The following ALKBH7 variants were observed in gnomAD, a reference collection of about 807,000 sequenced individuals.
ALKBH7 encodes RNA demethylase ALKBH7, mitochondrial.
Under a neutral mutation model 19.3 loss-of-function variants are expected in ALKBH7, and 21 were observed. That is an observed-to-expected ratio of 1.09 (90% CI 0.77 to 1.56). The LOEUF is 1.56. Among genes scored for constraint, ALKBH7 ranks in the 40% most tolerant of loss-of-function variants. ALKBH7 has a pLI of 0.00. For missense variants in ALKBH7, 354 were observed against 311.4 expected (o/e 1.14, Z -1.03); for synonymous variants, 147 against 139.5 (o/e 1.05, Z -0.38).
rs1178376193 is a variant in ALKBH7, at chr19:6,374,067, G to A, written c.205-136G>A. ...ACCTAGGTAGGGCCATAGTTGAGGG[G>A]CTAGGGGAGTTTGAGTTGAGGGCAG... On this transcript the variant is annotated intron_variant, in intron 1 of 3. Coordinates refer to ENST00000245812, the MANE Select transcript of ALKBH7 (RefSeq NM_032306.4). The A allele has an allele frequency of 4.0e-6, 6 of 1,518,480 alleles. No individual in the cohort carries two copies. The Admixed American group carries it at 7.1e-5, about 18-fold the overall frequency. 94.1% of individuals were successfully genotyped at this position (1,518,480 alleles called of 1,614,324 possible). A position where few individuals can be genotyped will look rare whatever the true frequency, so the allele number is the denominator to read the frequency against.
Position 6,374,188 on chromosome 19 carries a change from G to C in ALKBH7, c.205-15G>C, listed in dbSNP as rs1164561747. The stretch of plus-strand genomic sequence containing the variant: ...CCTCTGGGAGCTCCCAGGCTTAACC[G>C]AGCTCTCTGTGCAGGCCATCCACGG... On this transcript the variant is annotated splice_polypyrimidine_tract_variant and intron_variant, in intron 1 of 3. Transcript: ENST00000245812. 1 of 1,607,490 alleles carries C rather than the reference G, an allele frequency of 6.2e-7. No individual in the cohort carries two copies. The highest frequency in any genetic ancestry group is 8.5e-7 in the Non-Finnish European group (1 of 1,178,328).
In ALKBH7 at chr19:6,374,225, C is replaced by T. The variant is rs1555720793; in HGVS notation, c.227C>T (p.Thr76Ile). 7 of 1,613,152 alleles carry T rather than the reference C, an allele frequency of 4.3e-6. No individual in the cohort carries two copies. Among genetic ancestry groups the T allele is most frequent in the Non-Finnish European group, 5.9e-6 (7 of 1,179,744 alleles). Residue 76 changes from threonine to isoleucine, a missense_variant, in exon 2 of 4, where the codon ACA becomes ATA. By Grantham distance (89) the Thr-to-Ile change is moderately conservative. Transcript: ENST00000245812. ...WDAAIHGFRE[T>I]EKSRWSEASR... ...CAGGCCATCCACGGCTTCCGAGAGA[C>T]AGAGAAGTCGCGCTGGTCAGAAGCC...
Position 6,375,033 on chromosome 19 carries a change from T to A in ALKBH7, c.*60T>A, listed in dbSNP as rs891583022. 13 of 1,525,912 alleles carry A rather than the reference T, an allele frequency of 8.5e-6. No individual in the cohort carries two copies. Among genetic ancestry groups the A allele is most frequent in the South Asian group, 2.5e-5 (2 of 79,954 alleles). The allele number at this position is 1,525,912 out of a possible 1,614,324, so 94.5% of individuals were successfully genotyped here. On this transcript the variant is annotated 3_prime_UTR_variant, in exon 4 of 4. Transcript: ENST00000245812. ...AAAGTTGGGGAATGGACAGCCTAACTGGGACATTGCAGTGGCTGCTTGCTG... is the reference window on the plus strand; with the variant it reads ...AAAGTTGGGGAATGGACAGCCTAACAGGGACATTGCAGTGGCTGCTTGCTG...
Position 6,374,484 on chromosome 19 carries a change from C to G in ALKBH7, c.398C>G (p.Ala133Gly), listed in dbSNP as rs2091910552. The G allele has an allele frequency of 1.2e-6, 2 of 1,613,860 alleles. No individual in the cohort carries two copies. Among genetic ancestry groups the G allele is most frequent in the African/African-American group, 2.7e-5 (2 of 74,920 alleles). The change falls in exon 3 of 4, where the codon GCC becomes GGC. Residue 133 changes from alanine (A) to glycine (G), a missense_variant. Physicochemically the swap from Ala to Gly is moderately conservative, Grantham distance 60. Coordinates refer to ENST00000245812, the MANE Select transcript of ALKBH7 (RefSeq NM_032306.4). ...TTGCAGTTCTGCGGGGCCACCATCGCCGGCCTGTCTCTCCTGTCTCCCAGC... is the reference window on the plus strand; with the variant it reads ...TTGCAGTTCTGCGGGGCCACCATCGGCGGCCTGTCTCTCCTGTCTCCCAGC... The part of the protein sequence containing the change: ...DSIKFCGATI[A>G]GLSLLSPSVM...
intron 3 of ALKBH7, 111 bp downstream of exon 3, chr19:6,374,700 G>A (rs1160160340): frequency 2.5e-6 from 4 of 1,602,520 alleles, no homozygotes; most frequent in Non-Finnish European, 3.4e-6. Flanking sequence ...TTTACCCCAG[G>A]GTCTGTGTGG....
chr19:6,374,197 G>C lies in ALKBH7; in HGVS notation c.205-6G>C, dbSNP rs1367250257. 4 of 1,612,246 alleles carry C rather than the reference G, an allele frequency of 2.5e-6. No individual in the cohort carries two copies. Among genetic ancestry groups the C allele is most frequent in the South Asian group, 1.1e-5 (1 of 91,034 alleles). On this transcript the variant is annotated splice_region_variant and splice_polypyrimidine_tract_variant and intron_variant, in intron 1 of 3. Transcript: ENST00000245812. ...GCTCCCAGGCTTAACCGAGCTCTCTGTGCAGGCCATCCACGGCTTCCGAGA... is the reference window on the plus strand; with the variant it reads ...GCTCCCAGGCTTAACCGAGCTCTCTCTGCAGGCCATCCACGGCTTCCGAGA...
rs1365003627 is a variant in ALKBH7 at position 6,372,836 on chromosome 19, C to T, written c.16C>T (p.Leu6=). The T allele has an allele frequency of 6.5e-7, 1 of 1,545,700 alleles. No homozygotes were observed. The highest frequency in any genetic ancestry group is 1.9e-5 in the Admixed American group (1 of 51,420). Residue 6 remains leucine, a synonymous_variant, in exon 1 of 4, where the codon CTG becomes TTG. Transcript: ENST00000245812. The part of the protein sequence containing the change: MAGTG[L]LALRTLPGPS... ...CTCCGGGATTATGGCCGGGACTGGG[C>T]TGCTGGCGCTGCGGACGCTGCCAGG...
At chr19:6,373,389 G>C in intron 1 of ALKBH7, 1 of 430,212 alleles carries the variant, frequency 2.3e-6, no homozygotes, top group Non-Finnish European at 4.0e-6. Context: ...TGGGGGCGGG[G>C]ACAGTGGGGA....
rs756660086 is a variant in ALKBH7, at chr19:6,374,227, G to A, written c.229G>A (p.Glu77Lys). The A allele has an allele frequency of 1.9e-5, 30 of 1,613,084 alleles. No individual in the cohort carries two copies. The highest frequency in any genetic ancestry group is 2.5e-5 in the Non-Finnish European group (29 of 1,179,774). ...DAAIHGFRET[E>K]KSRWSEASRA... ...GGCCATCCACGGCTTCCGAGAGACA[G>A]AGAAGTCGCGCTGGTCAGAAGCCAG... Residue 77 changes from glutamate (E) to lysine (K), a missense_variant, in exon 2 of 4, where the codon GAG (glutamate) becomes AAG (lysine). Coordinates refer to ENST00000245812, the MANE Select transcript of ALKBH7 (RefSeq NM_032306.4).
intron 3 of ALKBH7, 32 bp from the exon 4 acceptor site, chr19:6,374,779 T>C (rs377623519): frequency 1.2e-6 from 2 of 1,601,820 alleles, no homozygotes; most frequent in Non-Finnish European, 1.7e-6. Flanking sequence ...CTGCCCTCCT[T>C]GCACCCAGTC....
At chr19:6,373,943 C>G in intron 1 of ALKBH7, 2 of 984,866 alleles carry the variant, frequency 2.0e-6, no homozygotes, top group Non-Finnish European at 2.4e-6. Flanking sequence ...TGGGTGGGGT[C>G]AAGTTGTAGG....
Position 6,374,379 on chromosome 19 carries a change from GGGCAGAGGAC to G in ALKBH7, c.378+6_378+15del. 6.2e-7 allele frequency: 1 copy of G among 1,606,914 alleles called. No homozygotes were observed. Among genetic ancestry groups the G allele is most frequent in the Non-Finnish European group, 8.5e-7 (1 of 1,176,354 alleles). The stretch of plus-strand genomic sequence containing the variant: ...AGCCCCACGTGGACAGCATCAAGGT[GGGCAGAGGAC>G]GGTGCCTTGGCACTCCCAGCCAGGG... On this transcript the variant is annotated splice_donor_5th_base_variant and intron_variant, in intron 2 of 3. Coordinates refer to ENST00000245812, the MANE Select transcript of ALKBH7 (RefSeq NM_032306.4).
rs1314781563 is a variant in ALKBH7, at chr19:6,374,228, A to G, written c.230A>G (p.Glu77Gly). Residue 77 changes from glutamate to glycine, a missense_variant, in exon 2 of 4, where the codon GAG (glutamate) becomes GGG (glycine). Transcript: ENST00000245812. ...DAAIHGFRET[E>G]KSRWSEASRA... ...GCCATCCACGGCTTCCGAGAGACAGAGAAGTCGCGCTGGTCAGAAGCCAGC... is the reference window on the plus strand; with the variant it reads ...GCCATCCACGGCTTCCGAGAGACAGGGAAGTCGCGCTGGTCAGAAGCCAGC... 6.2e-7 allele frequency: 1 copy of G among 1,613,068 alleles called. No homozygotes were observed. The highest frequency in any genetic ancestry group is 8.5e-7 in the Non-Finnish European group (1 of 1,179,708).
At chr19:6,373,532 G>T in intron 1 of ALKBH7, 1 of 755,202 alleles carries the variant, frequency 1.3e-6, no homozygotes, top group South Asian at 5.4e-5. Flanking sequence ...AGAAGAACGT[G>T]GCGGCTGGGA....
chr19:6,373,155 G>A, intron 1 of ALKBH7, 131 bp downstream of exon 1: 2 of 1,266,036 alleles, frequency 1.6e-6, no homozygotes, highest in Non-Finnish European at 2.1e-6. Flanking sequence ...CGGGGACAGA[G>A]GAGACGAGCG....
intron 1 of ALKBH7, chr19:6,373,486 G>C: frequency 1.8e-6 from 1 of 542,654 alleles, no homozygotes; most frequent in Non-Finnish European, 2.9e-6. Context: ...CGGGTGTAGG[G>C]TTGGGGTGCG....
At position 6,372,854 on chromosome 19, in the gene ALKBH7, C is replaced by G; in HGVS notation, c.34C>G (p.Leu12Val). 1.3e-6 allele frequency: 2 copies of G among 1,549,278 alleles called. No individual in the cohort carries two copies. The highest frequency in any genetic ancestry group is 4.8e-5 in the East Asian group (2 of 41,544). The change falls in exon 1 of 4, where the codon CTG (leucine) becomes GTG (valine). Residue 12 changes from leucine (L) to valine (V), a missense_variant. Transcript: ENST00000245812. ...GACTGGGCTGCTGGCGCTGCGGACGCTGCCAGGGCCCAGCTGGGTGCGAGG... is the reference window on the plus strand; with the variant it reads ...GACTGGGCTGCTGGCGCTGCGGACGGTGCCAGGGCCCAGCTGGGTGCGAGG... ...AGTGLLALRT[L>V]PGPSWVRGSG...
chr19:6,373,924 C>G (rs1298274346), intron 1 of ALKBH7: 8 of 984,938 alleles, frequency 8.1e-6, no homozygotes, highest in Non-Finnish European at 9.6e-6. Flanking sequence ...GAGACAGAGA[C>G]AGGACACTTG....
chr19:6,374,004 A>C (rs1311115930), intron 1 of ALKBH7, 199 bp from the exon 2 acceptor site: 2 of 984,922 alleles, frequency 2.0e-6, no homozygotes, highest in Non-Finnish European at 2.4e-6. Context: ...GGGACCTGGA[A>C]TTGTAGCCTC....
Sources: allele counts gnomAD v4.1 joint callset, GRCh38; gene constraint gnomAD v4.1.1; transcripts MANE v1.5; gene names NCBI Gene and HGNC (gene_info 2026-07-23, HGNC 2026-07-21).